Variants in KCTD19 observed in about 807,000 individuals in gnomAD.
KCTD19 encodes the protein potassium channel tetramerization domain containing 19.
Under a neutral mutation model 103.5 loss-of-function variants are expected in KCTD19, and 67 were observed. That is an observed-to-expected ratio of 0.65 (90% CI 0.53 to 0.79). The LOEUF (loss-of-function observed/expected upper bound fraction) is 0.79, where lower values mean the gene tolerates loss of function less well. KCTD19 is among the 30% of genes least tolerant of loss of function. The pLI, the probability that KCTD19 is intolerant of heterozygous loss-of-function variation, is 0.00. For missense variants in KCTD19, 980 were observed against 1,136.1 expected (o/e 0.86, Z 1.98); for synonymous variants, 439 against 452.2 (o/e 0.97, Z 0.37).
At chr16:67,315,970 T>A (rs1376527720) in intron 2 of KCTD19, among the ~76,000 whole-genome samples, 1 of 152,188 alleles carries the variant, frequency 6.6e-6, no homozygotes, top group African/African-American at 2.4e-5. Context: ...CCTTACCCCT[T>A]TGCCCCTTTT....
chr16:67,302,921 G>T lies in KCTD19; in HGVS notation c.643+225C>A. 12 of 538,800 alleles carry T rather than the reference G, an allele frequency of 2.2e-5. No homozygotes were observed. The South Asian group carries it at 2.9e-4, about 13-fold the overall frequency. The allele number at this position is 538,800 out of a possible 1,614,324, so 33.4% of individuals were successfully genotyped here. On this transcript the variant is annotated intron_variant, in intron 4 of 15. Transcript: ENST00000304372. ...CAGTGCCTGACACTTTTACAGCCAG[G>T]CCATCCCAAAACAAATAGGGAATAA...
In KCTD19 at chr16:67,291,381, G is replaced by A. The variant is rs188969016; in HGVS notation, c.2493C>T (p.Ile831=). The change falls in exon 14 of 16, where the codon ATC becomes ATT. Residue 831 remains isoleucine (I), a synonymous_variant. Coordinates refer to ENST00000304372, the MANE Select transcript of KCTD19 (RefSeq NM_001100915.3). ...QKCHCFLADI[I]MDSIRQKDPK... The stretch of plus-strand genomic sequence containing the variant: ...GGTCCTTTTGCCTGATGGAATCCAT[G>A]ATGATGTCAGCCAGGAAGCAGTGAC... 1.4e-4 allele frequency: 221 copies of A among 1,614,222 alleles called. 2 individuals are homozygous for A. In the Middle Eastern group the frequency reaches 6.1e-3, roughly 45 times the overall value.
chr16:67,292,870 T>G (rs2036715901), intron 12 of KCTD19, among the ~76,000 whole-genome samples: 2 of 152,216 alleles, frequency 1.3e-5, no homozygotes, highest in Admixed American at 6.5e-5. Flanking sequence ...CACACCTCAG[T>G]AAGGGCCTAT....
chr16:67,317,096 G>A (rs1054702713), intron 2 of KCTD19, among the ~76,000 whole-genome samples: 3 of 152,162 alleles, frequency 2.0e-5, no homozygotes, highest in Non-Finnish European at 2.9e-5. Flanking sequence ...AGGACTCTAT[G>A]GTGAGGAGTA....
intron 2 of KCTD19, among the ~76,000 whole-genome samples, chr16:67,309,601 T>C (rs1310842517): frequency 6.6e-6 from 1 of 152,246 alleles, no homozygotes; most frequent in East Asian, 1.9e-4. Context: ...GGAGCTTGAA[T>C]CTGCCACTTA....
Position 67,289,597 on chromosome 16 carries a change from A to T in KCTD19, c.2753T>A (p.Ile918Asn). 6.2e-7 allele frequency: 1 copy of T among 1,613,750 alleles called. No homozygotes were observed. Reference protein sequence around the residue: ...RGLSRSVSYSILGKYLQED With the variant: ...RGLSRSVSYSNLGKYLQED ...GTCCTCTTGTAGGTACTTTCCCAGGATGGAGTAAGAGACAGACCTAGACAG... is the reference window on the plus strand; with the variant it reads ...GTCCTCTTGTAGGTACTTTCCCAGGTTGGAGTAAGAGACAGACCTAGACAG... Residue 918 changes from isoleucine (I) to asparagine (N), a missense_variant, in exon 16 of 16, where the codon ATC becomes AAC. Physicochemically the swap from Ile to Asn is moderately radical, Grantham distance 149. Coordinates refer to ENST00000304372, the MANE Select transcript of KCTD19 (RefSeq NM_001100915.3).
At chr16:67,301,030 T>C (rs2142508045) in intron 5 of KCTD19, 1 of 152,368 alleles carries the variant, frequency 6.6e-6, no homozygotes, top group African/African-American at 2.4e-5. Context: ...ATGGGATAAA[T>C]GTCTGGTGAT....
At chr16:67,322,110 T>C (rs1012337299) in intron 1 of KCTD19, 1 of 152,186 alleles carries the variant, frequency 6.6e-6, no homozygotes, top group African/African-American at 2.4e-5. Flanking sequence ...TTATGATCAA[T>C]TGAATTTTGA....
At chr16:67,297,373 C>T in intron 7 of KCTD19, 130 bp downstream of exon 7, 2 of 954,184 alleles carry the variant, frequency 2.1e-6, no homozygotes, top group Non-Finnish European at 3.2e-6. Context: ...TGTAAAAATC[C>T]AAAATATTGG....
At position 67,291,304 on chromosome 16, in the gene KCTD19, C is replaced by A; in HGVS notation, c.2565+5G>T. ...GCCCCAGGGCCTGAGGCCTGTCACA[C>A]ATACCCACAGCCGATTGGCCAGGGA... On this transcript the variant is annotated splice_donor_5th_base_variant and intron_variant, in intron 14 of 15. Transcript: ENST00000304372. 1 of 1,612,046 alleles carries A rather than the reference C, an allele frequency of 6.2e-7. No homozygotes were observed. The highest frequency in any genetic ancestry group is 8.5e-7 in the Non-Finnish European group (1 of 1,179,320).
At chr16:67,317,950 T>TA (rs2037030301) in intron 2 of KCTD19, among the ~76,000 whole-genome samples, 1 of 152,144 alleles carries the variant, frequency 6.6e-6, no homozygotes, top group Non-Finnish European at 1.5e-5. Flanking sequence ...GCTCATTTAG[T>TA]AAAAAAATCT....
chr16:67,297,540 A>T lies in KCTD19; in HGVS notation c.1110T>A (p.His370Gln). Residue 370 changes from histidine to glutamine, a missense_variant, in exon 7 of 16, where the codon CAT (histidine) becomes CAA (glutamine). His to Gln is a conservative substitution (Grantham distance 24). Coordinates refer to ENST00000304372, the MANE Select transcript of KCTD19 (RefSeq NM_001100915.3). ...YEPIKVALKT[H>Q]LEPRTLAPMD... ...TGGGTGCCAAAGTCCTTGGCTCCAG[A>T]TGAGTCTTCAAAGCAACTTTGATTG... is the stretch of plus-strand genomic sequence containing the variant. 6.2e-7 allele frequency: 1 copy of T among 1,614,154 alleles called. No homozygotes were observed. Among genetic ancestry groups the T allele is most frequent in the Non-Finnish European group, 8.5e-7 (1 of 1,180,034 alleles).
At chr16:67,304,626 C>A in intron 2 of KCTD19, 55 bp from the exon 3 acceptor site, 2 of 1,454,422 alleles carry the variant, frequency 1.4e-6, no homozygotes, top group South Asian at 1.2e-5. Flanking sequence ...AACTATGTAC[C>A]AATTCTAGTG....
intron 2 of KCTD19, among the ~76,000 whole-genome samples, chr16:67,318,201 C>T (rs2037032770): frequency 1.3e-5 from 2 of 152,180 alleles, no homozygotes; most frequent in South Asian, 4.1e-4. Flanking sequence ...TACTTCTACT[C>T]CTCACACAAT....
chr16:67,315,815 A>G (rs1372019812), intron 2 of KCTD19, among the ~76,000 whole-genome samples: 2 of 150,760 alleles, frequency 1.3e-5, no homozygotes, highest in Non-Finnish European at 3.0e-5. Flanking sequence ...GGGTTTCTCT[A>G]TGTTGGCCAG....
At position 67,296,254 on chromosome 16, in the gene KCTD19, A is replaced by T. The variant is rs2036763473; in HGVS notation, c.1153T>A (p.Trp385Arg). 2.5e-6 allele frequency: 4 copies of T among 1,607,554 alleles called. No homozygotes were observed. The highest frequency in any genetic ancestry group is 2.6e-6 in the Non-Finnish European group (3 of 1,174,100). ...GAATACACAGTGATCTCTGCCGTCC[A>T]CTCATCTATGGGAATCCAGGAGATA... The part of the protein sequence containing the change: ...TLAPMDVLNE[W>R]TAEITVYSPQ... The change falls in exon 8 of 16, where the codon TGG becomes AGG. Residue 385 changes from tryptophan (W) to arginine (R), a missense_variant. Coordinates refer to ENST00000304372, the MANE Select transcript of KCTD19 (RefSeq NM_001100915.3).
chr16:67,322,719 C>T (rs1019445415), intron 1 of KCTD19, among the ~76,000 whole-genome samples: 18 of 152,072 alleles, frequency 1.2e-4, no homozygotes, highest in African/African-American at 4.3e-4. Context: ...GGAACTTAAT[C>T]AAAATTTAAA....
Position 67,299,432 on chromosome 16 carries a change from C to A in KCTD19, c.917G>T (p.Arg306Leu), listed in dbSNP as rs200175474. The A allele has an allele frequency of 6.2e-7, 1 of 1,614,254 alleles. No homozygotes were observed. Among genetic ancestry groups the A allele is most frequent in the East Asian group, 2.2e-5 (1 of 44,884 alleles). Residue 306 changes from arginine to leucine, a missense_variant, in exon 6 of 16, where the codon CGC becomes CTC. Arg to Leu is a moderately radical substitution (Grantham distance 102). Coordinates refer to ENST00000304372, the MANE Select transcript of KCTD19 (RefSeq NM_001100915.3). ...GCTTCCGTCTAGCGTGCTCTCGATG[C>A]GAAGCTGGCCCAGCGCAGAGTCCGG... ...KYPDSALGQL[R>L]IESTLDGSRL...
In KCTD19 at chr16:67,291,285, G is replaced by A. The variant is rs1425019871; in HGVS notation, c.2565+24C>T. ...GGTGGAGAAGGTACAGGGTGCCCCA[G>A]GGCCTGAGGCCTGTCACACATACCC... On this transcript the variant is annotated intron_variant, in intron 14 of 15. Transcript: ENST00000304372. The A allele has an allele frequency of 2.5e-6, 4 of 1,607,590 alleles. No individual in the cohort carries two copies. In the African/African-American group the frequency reaches 5.3e-5, roughly 21 times the overall value.
Sources: allele counts gnomAD v4.1 joint callset (sites outside exome capture counted in the v4.1 genomes callset), GRCh38; gene constraint gnomAD v4.1.1; transcripts MANE v1.5; gene names NCBI Gene and HGNC (gene_info 2026-07-23, HGNC 2026-07-21).